Variants in SMARCC1 observed in about 807,000 individuals in gnomAD.
The protein encoded by SMARCC1 is SWI/SNF complex subunit SMARCC1.
Under a neutral mutation model 147.4 loss-of-function variants are expected in SMARCC1, and 43 were observed. The ratio of observed to expected loss-of-function variants is 0.29; its 90% CI spans 0.23 to 0.38. The LOEUF is 0.38. Among genes scored for constraint, SMARCC1 ranks in the 10% least tolerant of loss-of-function variants. The pLI, the probability that SMARCC1 is intolerant of heterozygous loss-of-function variation, is 1.00. For synonymous variants in SMARCC1, 495 were observed against 484.4 expected (o/e 1.02, Z -0.29); for missense variants, 1,119 against 1,381.1 (o/e 0.81, Z 3.01).
chr3:47,710,938 T>C (rs2034077133), intron 8 of SMARCC1, 130 bp from the exon 9 acceptor site: 1 of 576,948 alleles, frequency 1.7e-6, no homozygotes, highest in Non-Finnish European at 2.9e-6. Context: ...AATGTGATAC[T>C]ACTAATGATA....
intron 21 of SMARCC1, among the ~76,000 whole-genome samples, chr3:47,657,312 CAT>C (rs1010305875): frequency 1.1e-4 from 16 of 152,264 alleles, no homozygotes; most frequent in South Asian, 2.1e-4. Context: ...GAATAGACCA[CAT>C]GTTAGGCAAC....
Position 47,590,643 on chromosome 3 carries a change from C to G in SMARCC1, c.3220+18G>C. ...GAACGGACCCTGAGATAATGCATCC[C>G]CCCTCCATGTTACTTACACATGCCG... On this transcript the variant is annotated intron_variant, in intron 27 of 27. Coordinates refer to ENST00000254480, the MANE Select transcript of SMARCC1 (RefSeq NM_003074.4). 1 of 1,493,626 alleles carries G rather than the reference C, an allele frequency of 6.7e-7. No homozygotes were observed. The highest frequency in any genetic ancestry group is 1.4e-5 in the South Asian group (1 of 70,306). 92.5% of individuals were successfully genotyped at this position (1,493,626 alleles called of 1,614,324 possible).
At chr3:47,779,327 T>C (rs1025775617) in intron 1 of SMARCC1, among the ~76,000 whole-genome samples, 2 of 152,214 alleles carry the variant, frequency 1.3e-5, no homozygotes, top group East Asian at 3.8e-4. Context: ...AAATGCAGTA[T>C]TAAATGCACT....
At chr3:47,755,224 C>T (rs983736526) in intron 2 of SMARCC1, among the ~76,000 whole-genome samples, 8 of 151,678 alleles carry the variant, frequency 5.3e-5, no homozygotes, top group Admixed American at 1.3e-4. Context: ...TAATTAAGGG[C>T]GGGCACGGTG....
intron 1 of SMARCC1, among the ~76,000 whole-genome samples, chr3:47,776,899 C>T (rs923892967): frequency 6.6e-6 from 1 of 151,740 alleles, no homozygotes; most frequent in African/African-American, 2.4e-5. Flanking sequence ...CTTAGCCTAC[C>T]GAGTACCTGG....
At chr3:47,653,354 G>T (rs1345741373) in intron 21 of SMARCC1, among the ~76,000 whole-genome samples, 3 of 152,088 alleles carry the variant, frequency 2.0e-5, no homozygotes, top group Non-Finnish European at 4.4e-5. Context: ...CCCAAAACAA[G>T]TACTATATTT....
chr3:47,693,037 G>A (rs1282715873), intron 12 of SMARCC1, among the ~76,000 whole-genome samples: 1 of 152,040 alleles, frequency 6.6e-6, no homozygotes, highest in Non-Finnish European at 1.5e-5. Flanking sequence ...GGGCATGGTG[G>A]TGTGTGCCTA....
In SMARCC1 at chr3:47,708,083, C is replaced by CT. The variant is rs915291740; in HGVS notation, c.919-1554dup. On this transcript the variant is annotated intron_variant, in intron 9 of 27. Coordinates refer to ENST00000254480, the MANE Select transcript of SMARCC1 (RefSeq NM_003074.4). ...GTAAATCTGAAGTTGAATTTTTTTT[C>CT]TTTTTTTTTTTTTTTTTTTTTTTTT... 1.6e-3 allele frequency among the ~76,000 whole-genome samples: 100 copies of CT among 64,286 alleles called. 15 individuals are homozygous for CT. Among genetic ancestry groups the CT allele is most frequent in the African/African-American group, 6.6e-3 (99 of 15,082 alleles). 42.2% of individuals were successfully genotyped at this position (64,286 alleles called of 152,430 possible).
At position 47,590,720 on chromosome 3, in the gene SMARCC1, G is replaced by T; in HGVS notation, c.3161C>A (p.Pro1054Gln). 1 of 1,581,750 alleles carries T rather than the reference G, an allele frequency of 6.3e-7. No individual in the cohort carries two copies. Among genetic ancestry groups the T allele is most frequent in the Non-Finnish European group, 8.6e-7 (1 of 1,168,312 alleles). Residue 1054 changes from proline (P) to glutamine (Q), a missense_variant, in exon 27 of 28, where the codon CCA becomes CAA. Transcript: ENST00000254480. ...SGSGPTPPGM[P>Q]PMPGNILGPR... ...TCCTAAGATGTTTCCTGGCATTGGTGGCATGCCAGGAGGGGTAGGGCCACT... is the reference window on the plus strand; with the variant it reads ...TCCTAAGATGTTTCCTGGCATTGGTTGCATGCCAGGAGGGGTAGGGCCACT...
chr3:47,682,071 CTT>C (rs879416766), intron 14 of SMARCC1, among the ~76,000 whole-genome samples: 1 of 146,558 alleles, frequency 6.8e-6, no homozygotes. Flanking sequence ...CACACACACA[CTT>C]TTTTTTTTTA....
intron 2 of SMARCC1, among the ~76,000 whole-genome samples, chr3:47,756,688 A>G (rs2034702520): frequency 6.6e-6 from 1 of 152,194 alleles, no homozygotes; most frequent in Non-Finnish European, 1.5e-5. Flanking sequence ...GTAAAGTTTT[A>G]CTGAAGCAAA....
intron 21 of SMARCC1, among the ~76,000 whole-genome samples, chr3:47,659,415 ATCT>A (rs1238390290): frequency 6.6e-6 from 1 of 152,014 alleles, no homozygotes; most frequent in East Asian, 1.9e-4. Context: ...AGATGCAAAA[ATCT>A]TCAACAAAAG....
Position 47,781,857 on chromosome 3 carries a change from C to A in SMARCC1, c.-60G>T, listed in dbSNP as rs534035447. ...CCCGGCCCTCGCGGTGTTTCCCGGT[C>A]GTTCCCGCGCGCACCCCCGCGCGCG... On this transcript the variant is annotated 5_prime_UTR_variant, in exon 1 of 28. Transcript: ENST00000254480. 10 of 1,161,658 alleles carry A rather than the reference C, an allele frequency of 8.6e-6. No individual in the cohort carries two copies. The South Asian group carries it at 9.1e-5, about 11-fold the overall frequency. The allele number at this position is 1,161,658 out of a possible 1,614,324, so 72.0% of individuals were successfully genotyped here.
At chr3:47,688,465 A>G (rs1291794763) in intron 13 of SMARCC1, among the ~76,000 whole-genome samples, 1 of 152,188 alleles carries the variant, frequency 6.6e-6, no homozygotes, top group Non-Finnish European at 1.5e-5. Context: ...TGCAAATGAA[A>G]AAAAAAATCT....
In SMARCC1 at chr3:47,587,897, T is replaced by G; in HGVS notation, c.*312A>C. ...GAGCAAAAATGGTAAAGACATAGCA[T>G]GCTAAAGTTGACAGGACCTGCAGAG... On this transcript the variant is annotated 3_prime_UTR_variant, in exon 28 of 28. Transcript: ENST00000254480. 9 of 346,960 alleles carry G rather than the reference T, an allele frequency of 2.6e-5. 1 individual carries two copies. In the South Asian group the frequency reaches 3.7e-4, roughly 14 times the overall value. The allele number at this position is 346,960 out of a possible 1,614,324, so 21.5% of individuals were successfully genotyped here. A position where few individuals can be genotyped will look rare whatever the true frequency, so the allele number is the denominator to read the frequency against.
chr3:47,665,770 C>A (rs1419106744), intron 19 of SMARCC1, among the ~76,000 whole-genome samples: 1 of 151,970 alleles, frequency 6.6e-6, no homozygotes, highest in Non-Finnish European at 1.5e-5. Flanking sequence ...TCTTATAATG[C>A]TACAAAACAG....
At chr3:47,754,942 CTG>C (rs1380971693) in intron 2 of SMARCC1, among the ~76,000 whole-genome samples, 2 of 152,132 alleles carry the variant, frequency 1.3e-5, no homozygotes, top group African/African-American at 4.8e-5. Flanking sequence ...ACTTGGAAAA[CTG>C]AGACAGGAGA....
chr3:47,717,318 T>C (rs139226135), intron 7 of SMARCC1, among the ~76,000 whole-genome samples: 2 of 152,232 alleles, frequency 1.3e-5, no homozygotes, highest in African/African-American at 2.4e-5. Flanking sequence ...AAATAAACCA[T>C]AGTGCTGCCA....
intron 21 of SMARCC1, among the ~76,000 whole-genome samples, chr3:47,645,490 G>GGGTATCATTGTGCCACTGC (rs2033107233): frequency 6.6e-6 from 1 of 152,140 alleles, no homozygotes; most frequent in Admixed American, 6.5e-5. Flanking sequence ...GGGTACAGCA[G>GGGTATCATTGTGCCACTGC]GGTATCATTG....
Sources: allele counts gnomAD v4.1 joint callset (sites outside exome capture counted in the v4.1 genomes callset), GRCh38; gene constraint gnomAD v4.1.1; transcripts MANE v1.5; gene names NCBI Gene and HGNC (gene_info 2026-07-23, HGNC 2026-07-21).